The following DMD variants were observed in gnomAD, a reference collection of about 807,000 sequenced individuals.
DMD encodes dystrophin.
DMD carries 63 observed loss-of-function variants against 330.1 expected under a neutral mutation model. That is an observed-to-expected ratio of 0.19 (90% CI 0.16 to 0.24). DMD has a LOEUF of 0.24. Among genes scored for constraint, DMD ranks in the 10% least tolerant of loss-of-function variants. DMD has a pLI of 1.00. For missense variants in DMD, 3,344 were observed against 2,684.1 expected (o/e 1.25, Z -5.43); for synonymous variants, 1,223 against 959.8 (o/e 1.27, Z -5.07).
At chrX:32,953,149 A>G (rs1474689287) in intron 2 of DMD, among the ~76,000 whole-genome samples, 1 of 107,374 alleles carries the variant, frequency 9.3e-6, no homozygotes. Flanking sequence ...AAAAAAAAAA[A>G]AGAAGAAGAA....
At chrX:33,259,789 C>T (rs1489220000) in intron 1 of DMD, among the ~76,000 whole-genome samples, 1 of 109,650 alleles carries the variant, frequency 9.1e-6, no homozygotes, top group Non-Finnish European at 1.9e-5. Context: ...TCTAGAATGC[C>T]ACATAGTCGA....
At chrX:33,120,919 G>T (rs1370359576) in intron 1 of DMD, among the ~76,000 whole-genome samples, 1 of 107,028 alleles carries the variant, frequency 9.3e-6, no homozygotes, top group Non-Finnish European at 1.9e-5. Context: ...TTTTTAAAGG[G>T]GTTATTATTA....
intron 34 of DMD, among the ~76,000 whole-genome samples, chrX:32,370,074 A>G (rs1249900829): frequency 9.0e-6 from 1 of 110,885 alleles, no homozygotes; most frequent in Non-Finnish European, 1.9e-5. Context: ...GGGTTCTTTC[A>G]CCTTTTAGCT....
chrX:32,283,240 G>A (rs1176439700), intron 43 of DMD, among the ~76,000 whole-genome samples: 3 of 111,689 alleles, frequency 2.7e-5, no homozygotes, highest in Non-Finnish European at 5.6e-5. Context: ...AGTCAGTCAA[G>A]GTACAAGTAA....
chrX:31,692,277 G>C (rs907659638), intron 52 of DMD, among the ~76,000 whole-genome samples: 7 of 110,725 alleles, frequency 6.3e-5, no homozygotes, highest in Non-Finnish European at 1.1e-4. Context: ...AGTGCTAAGA[G>C]GGAAGTTTAT....
chrX:32,953,133 A>T lies in DMD; in HGVS notation c.93+67006T>A, dbSNP rs923868018. Among the ~76,000 whole-genome samples, 312 of 84,403 alleles carry T rather than the reference A, an allele frequency of 3.7e-3. 1 individual carries two copies. Among genetic ancestry groups the T allele is most frequent in the Non-Finnish European group, 6.2e-3 (264 of 42,282 alleles). The allele number at this position is 84,403 out of a possible 115,157, so 73.3% of individuals were successfully genotyped here. A position where few individuals can be genotyped will look rare whatever the true frequency, so the allele number is the denominator to read the frequency against. On this transcript the variant is annotated intron_variant, in intron 2 of 78. Transcript: ENST00000357033. ...CTGGGTGACAGAGCAAGACTCCACC[A>T]AAAAAAAAAAAAAAAAAGAAGAAGA...
chrX:33,106,054 C>CCACACACA (rs1557263796), intron 1 of DMD, among the ~76,000 whole-genome samples: 2 of 89,441 alleles, frequency 2.2e-5, no homozygotes, highest in African/African-American at 1.1e-4. Flanking sequence ...GATACACACA[C>CCACACACA]CACACACACA....
At chrX:31,298,375 G>A (rs1276923636) in intron 62 of DMD, among the ~76,000 whole-genome samples, 1 of 103,496 alleles carries the variant, frequency 9.7e-6, no homozygotes, top group Non-Finnish European at 1.9e-5. Flanking sequence ...AAGTTTCCCA[G>A]AATATTAGAA....
chrX:32,880,190 A>G (rs188331406), intron 2 of DMD, among the ~76,000 whole-genome samples: 1 of 106,054 alleles, frequency 9.4e-6, no homozygotes, highest in East Asian at 3.0e-4. Context: ...CAAACTACTT[A>G]CTGGTTCCTG....
chrX:32,112,011 G>T (rs992856727), intron 44 of DMD, among the ~76,000 whole-genome samples: 2 of 111,739 alleles, frequency 1.8e-5, no homozygotes, highest in Non-Finnish European at 3.8e-5. Flanking sequence ...TACCTCAAGG[G>T]CATGAATAAT....
chrX:31,816,221 CT>C (rs1216379429), intron 50 of DMD, among the ~76,000 whole-genome samples: 4 of 109,754 alleles, frequency 3.6e-5, no homozygotes, highest in South Asian at 7.8e-4. Context: ...GCAAGTTTTG[CT>C]TTTTTTTTCC....
At chrX:32,343,939 T>C (rs2097755962) in intron 39 of DMD, among the ~76,000 whole-genome samples, 1 of 112,177 alleles carries the variant, frequency 8.9e-6, no homozygotes, top group African/African-American at 3.2e-5. Flanking sequence ...CTTCCAAGGC[T>C]TGCATAGCCA....
chrX:32,403,351 G>T (rs1233140554), intron 30 of DMD, among the ~76,000 whole-genome samples: 1 of 111,211 alleles, frequency 9.0e-6, no homozygotes. Context: ...TTATTAGACT[G>T]GTGCAAAAGT....
chrX:32,379,236 G>A (rs1187835162), intron 34 of DMD, among the ~76,000 whole-genome samples: 1 of 106,528 alleles, frequency 9.4e-6, no homozygotes, highest in Non-Finnish European at 1.9e-5. Context: ...AGATCTCACA[G>A]TAGCTTTGCT....
intron 1 of DMD, among the ~76,000 whole-genome samples, chrX:33,136,626 A>G (rs2095529473): frequency 9.1e-6 from 1 of 110,247 alleles, no homozygotes; most frequent in Admixed American, 9.9e-5. Flanking sequence ...TAGTGCCCTT[A>G]TAAAAGAGGC....
chrX:31,360,161 C>G (rs1487823399), intron 60 of DMD, among the ~76,000 whole-genome samples: 2 of 110,920 alleles, frequency 1.8e-5, no homozygotes, highest in Non-Finnish European at 3.8e-5. Context: ...CAAACCAGAG[C>G]TGTACTTGAC....
At chrX:32,860,320 T>C (rs1014401582) in intron 2 of DMD, among the ~76,000 whole-genome samples, 1 of 111,900 alleles carries the variant, frequency 8.9e-6, no homozygotes, top group Non-Finnish European at 1.9e-5. Context: ...TACGTTTCAG[T>C]AGAAAGTAAA....
chrX:32,252,676 A>AT (rs1569553575), intron 43 of DMD, among the ~76,000 whole-genome samples: 18 of 40,489 alleles, frequency 4.4e-4, no homozygotes, highest in South Asian at 1.2e-3. Flanking sequence ...ATATATATAT[A>AT]AATATATAAA....
intron 55 of DMD, among the ~76,000 whole-genome samples, chrX:31,602,359 A>C (rs1056885843): frequency 2.4e-4 from 26 of 108,141 alleles, no homozygotes; most frequent in African/African-American, 7.8e-4. Context: ...AAAGCTTCTA[A>C]TACATCTGCT....
Sources: allele counts gnomAD v4.1 joint callset (sites outside exome capture counted in the v4.1 genomes callset), GRCh38; gene constraint gnomAD v4.1.1; transcripts MANE v1.5; gene names NCBI Gene and HGNC (gene_info 2026-07-23, HGNC 2026-07-21).